The following SIGLECL1 variants were observed in gnomAD, a reference collection of about 807,000 sequenced individuals.
The protein encoded by SIGLECL1 is SIGLEC family-like protein 1.
Under a neutral mutation model 19.1 loss-of-function variants are expected in SIGLECL1, and 16 were observed. That is an observed-to-expected ratio of 0.84 (90% CI 0.57 to 1.27). SIGLECL1 has a LOEUF of 1.27. Among genes scored for constraint, SIGLECL1 ranks in the 50% most tolerant of loss-of-function variants. The pLI is 0.00. For synonymous variants in SIGLECL1, 89 were observed against 90.4 expected, an observed-to-expected ratio of 0.98 and a Z score of 0.09; for missense variants, 210 against 239.4, an observed-to-expected ratio of 0.88 and a Z score of 0.81.
chr19:51,268,257 A>G (rs1231791804), intron 5 of SIGLECL1, among the ~76,000 whole-genome samples: 1 of 152,138 alleles, frequency 6.6e-6, no homozygotes, highest in Non-Finnish European at 1.5e-5. Flanking sequence ...ACAGTAGGGG[A>G]TGCTGAGCCA....
At chr19:51,257,832 A>T (rs1982916832) in intron 1 of SIGLECL1, 1 of 152,264 alleles carries the variant, frequency 6.6e-6, no homozygotes. Flanking sequence ...GGATGCTAAG[A>T]TCCACCATGA....
chr19:51,266,716 T>C (rs1983702943), intron 4 of SIGLECL1, among the ~76,000 whole-genome samples: 1 of 152,062 alleles, frequency 6.6e-6, no homozygotes, highest in Non-Finnish European at 1.5e-5. Context: ...GTTCACAGGG[T>C]GTTAAAACTT....
At position 51,265,659 on chromosome 19, in the gene SIGLECL1, G is replaced by A. The variant is rs1599800917; in HGVS notation, c.304+10G>A. 1 of 1,611,686 alleles carries A rather than the reference G, an allele frequency of 6.2e-7. No individual in the cohort carries two copies. The highest frequency in any genetic ancestry group is 1.7e-5 in the Admixed American group (1 of 59,948). The stretch of plus-strand genomic sequence containing the variant: ...ATCCTACTGATGTCAAGTGAGGGTG[G>A]AGGGGGCTCGGTGACTGGGTGAGGA... On this transcript the variant is annotated intron_variant, in intron 3 of 5. Transcript: ENST00000601727.
At chr19:51,247,192 G>A (rs760301075), upstream of SIGLECL1, among the ~76,000 whole-genome samples, 14 of 152,246 alleles carry the variant, frequency 9.2e-5, no homozygotes, top group East Asian at 1.4e-3. Context: ...GTCAGATGTT[G>A]AGCAGCGTCT....
At chr19:51,258,886 C>G (rs564213353) in intron 1 of SIGLECL1, among the ~76,000 whole-genome samples, 43 of 152,144 alleles carry the variant, frequency 2.8e-4, no homozygotes, top group African/African-American at 9.4e-4. Context: ...TGAAGGTCCC[C>G]CATCAAGTCT....
At position 51,267,648 on chromosome 19, in the gene SIGLECL1, T is replaced by C. The variant is rs1473216514; in HGVS notation, c.567+119T>C. The C allele has an allele frequency of 6.2e-6, 7 of 1,134,840 alleles. No individual in the cohort carries two copies. In the Admixed American group the frequency reaches 6.9e-5, roughly 11 times the overall value. 70.3% of individuals were successfully genotyped at this position (1,134,840 alleles called of 1,614,324 possible). The stretch of plus-strand genomic sequence containing the variant: ...ATCCTCAGTCTTGCAGGATACCTAA[T>C]GCTAGAGTGTGCTTTCAGGTCATTT... On this transcript the variant is annotated intron_variant, in intron 5 of 5. Transcript: ENST00000601727.
chr19:51,257,380 A>G (rs1599792386), intron 1 of SIGLECL1, among the ~76,000 whole-genome samples: 1 of 151,446 alleles, frequency 6.6e-6, no homozygotes, highest in African/African-American at 2.4e-5. Flanking sequence ...CACTCCATCC[A>G]GTCTGGGTGA....
chr19:51,266,326 A>C (rs1335575643), intron 4 of SIGLECL1, among the ~76,000 whole-genome samples: 1 of 152,130 alleles, frequency 6.6e-6, no homozygotes, highest in Non-Finnish European at 1.5e-5. Flanking sequence ...AAAATTCCAC[A>C]CCTGACCTCA....
At chr19:51,248,580 G>T (rs563319106), upstream of SIGLECL1, among the ~76,000 whole-genome samples, 1 of 152,174 alleles carries the variant, frequency 6.6e-6, no homozygotes, top group African/African-American at 2.4e-5. Flanking sequence ...AACATCAAAA[G>T]GAAGAAGATA....
chr19:51,255,357 A>G (rs1307452849), intron 1 of SIGLECL1, among the ~76,000 whole-genome samples: 1 of 152,202 alleles, frequency 6.6e-6, no homozygotes, highest in African/African-American at 2.4e-5. Flanking sequence ...TATATGTAAT[A>G]CACAATAAAA....
Position 51,265,468 on chromosome 19 carries a change from G to A in SIGLECL1, c.123G>A (p.Met41Ile). 1 of 1,614,168 alleles carries A rather than the reference G, an allele frequency of 6.2e-7. No individual in the cohort carries two copies. The highest frequency in any genetic ancestry group is 8.5e-7 in the Non-Finnish European group (1 of 1,180,020). ...CCACACCCTCTGTGCAGTGGTGGAT[G>A]GGAGGAGTCCCCGTGGGTGTGGATG... ...GIPTPSVQWW[M>I]GGVPVGVDGM... is the part of the protein sequence containing the mutation. The change falls in exon 3 of 6, where the codon ATG becomes ATA. Residue 41 changes from methionine (M) to isoleucine (I), a missense_variant. Transcript: ENST00000601727.
At chr19:51,263,034 G>C (rs2455072) in intron 1 of SIGLECL1, among the ~76,000 whole-genome samples, 1 of 151,918 alleles carries the variant, frequency 6.6e-6, no homozygotes, top group African/African-American at 2.4e-5. Flanking sequence ...AAGTAGCTGG[G>C]ACTACAGGTG....
At position 51,267,468 on chromosome 19, in the gene SIGLECL1, C is replaced by T; in HGVS notation, c.506C>T (p.Ser169Phe). Residue 169 changes from serine to phenylalanine, a missense_variant, in exon 5 of 6, where the codon TCT (serine) becomes TTT (phenylalanine). By Grantham distance (155) the Ser-to-Phe change is radical. Transcript: ENST00000601727. Reference protein sequence around the residue: ...KVRASQELEMSLKPEEPGKPV... With the variant: ...KVRASQELEMFLKPEEPGKPV... ...AGAGCAAGCCAAGAACTTGAGATGTCTCTGAAGCCTGAGGAACCAGGAAAA... is the reference window on the plus strand; with the variant it reads ...AGAGCAAGCCAAGAACTTGAGATGTTTCTGAAGCCTGAGGAACCAGGAAAA... 1.9e-6 allele frequency: 3 copies of T among 1,614,228 alleles called. No individual in the cohort carries two copies. Among genetic ancestry groups the T allele is most frequent in the Non-Finnish European group, 1.7e-6 (2 of 1,180,044 alleles).
chr19:51,265,053 G>C (rs1336675669), intron 2 of SIGLECL1, among the ~76,000 whole-genome samples: 3 of 152,226 alleles, frequency 2.0e-5, no homozygotes, highest in South Asian at 2.1e-4. Flanking sequence ...GAACATTGCA[G>C]GTGGGAAGAA....
chr19:51,268,470 T>A, intron 5 of SIGLECL1, 101 bp from the exon 6 acceptor site: 1 of 1,276,948 alleles, frequency 7.8e-7, no homozygotes, highest in Non-Finnish European at 1.1e-6. Context: ...GTTGCCTTAA[T>A]TCTGTGCACA....
rs375323952 is a variant in SIGLECL1 at position 51,255,064 on chromosome 19, A to G, written c.-191+3519A>G. Reference sequence around the variant, plus strand: ...CACTTGATGCCAGGAGTTTGAGACCAGTCTGGCCAACATGGTGAAACCCTG... The same window carrying G: ...CACTTGATGCCAGGAGTTTGAGACCGGTCTGGCCAACATGGTGAAACCCTG... On this transcript the variant is annotated intron_variant, in intron 1 of 5. Coordinates refer to ENST00000601727, the MANE Select transcript of SIGLECL1 (RefSeq NM_001385465.1). Among the ~76,000 whole-genome samples the G allele has an allele frequency of 1.8e-4, 28 of 152,112 alleles. 2 individuals carry two copies. The highest frequency in any genetic ancestry group is 9.2e-4 in the Admixed American group (14 of 15,286).
intron 1 of SIGLECL1, among the ~76,000 whole-genome samples, chr19:51,257,414 AAAAAAAAAAG>A (rs1267434261): frequency 2.0e-5 from 3 of 151,790 alleles, no homozygotes; most frequent in African/African-American, 7.3e-5. Context: ...TGTCTCAAAA[AAAAAAAAAAG>A]AAAAGAAAAG....
At chr19:51,267,337 G>A in intron 4 of SIGLECL1, 36 bp from the exon 5 acceptor site, 1 of 1,597,800 alleles carries the variant, frequency 6.3e-7, no homozygotes, top group South Asian at 1.1e-5. Flanking sequence ...TCAGGGAGAT[G>A]GAGAGCCAGA....
Position 51,267,519 on chromosome 19 carries a change from G to C in SIGLECL1, c.557G>C (p.Ser186Thr). The C allele has an allele frequency of 6.2e-7, 1 of 1,614,110 alleles. No individual in the cohort carries two copies. The highest frequency in any genetic ancestry group is 8.5e-7 in the Non-Finnish European group (1 of 1,180,020). ...CCCGTAGTCGCCACATTTTCTGAGAGCCGGATATTGGTATGTACCTATTGT... is the reference window on the plus strand; with the variant it reads ...CCCGTAGTCGCCACATTTTCTGAGACCCGGATATTGGTATGTACCTATTGT... ...GKPVVATFSE[S>T]RILEKQDKRA... Residue 186 changes from serine (S) to threonine (T), a missense_variant, in exon 5 of 6, where the codon AGC becomes ACC. Transcript: ENST00000601727.
Sources: gnomAD v4.1 joint callset for allele counts (sites outside exome capture counted in the v4.1 genomes callset) on GRCh38, gnomAD v4.1.1 for gene constraint, MANE v1.5 for transcripts, NCBI Gene and HGNC (gene_info 2026-07-23, HGNC 2026-07-21) for gene names.